The following MCRIP2 variants were observed in gnomAD, a reference collection of about 807,000 sequenced individuals.
MCRIP2 encodes MAPK regulated corepressor interacting protein 2.
MCRIP2 carries 21 observed loss-of-function variants against 23.2 expected under a neutral mutation model. That is an observed-to-expected ratio of 0.90 (90% confidence interval 0.64 to 1.30). The LOEUF (loss-of-function observed/expected upper bound fraction) is 1.30. Among genes scored for constraint, MCRIP2 ranks in the 50% most tolerant of loss-of-function variants. The pLI, the probability that MCRIP2 is intolerant of heterozygous loss-of-function variation, is 0.00. For missense variants in MCRIP2, 234 were observed against 223.2 expected (o/e 1.05, Z -0.31); for synonymous variants, 121 against 100.2 (o/e 1.21, Z -1.24).
In MCRIP2 at chr16:648,058, CA is replaced by C. The variant is rs1056476445; in HGVS notation, c.413-61del. ...CGGGTGAGCGGCTTGTGGTTAGCTC[CA>C]GGGGAGACTTGCCGGCTGGCCTGGG... On this transcript the variant is annotated intron_variant, in intron 4 of 4. Coordinates refer to ENST00000307650, the MANE Select transcript of MCRIP2 (RefSeq NM_138418.4). 6 of 1,504,816 alleles carry C rather than the reference CA, an allele frequency of 4.0e-6. No homozygotes were observed. The African/African-American group carries it at 8.2e-5, about 21-fold the overall frequency. The allele number at this position is 1,504,816 out of a possible 1,614,324, so 93.2% of individuals were successfully genotyped here. A position where few individuals can be genotyped will look rare whatever the true frequency, so the allele number is the denominator to read the frequency against.
Position 648,459 on chromosome 16 carries a change from A to C in MCRIP2, c.*269A>C. 7.8e-6 allele frequency: 4 copies of C among 513,954 alleles called. No homozygotes were observed. The highest frequency in any genetic ancestry group is 3.5e-5 in the Admixed American group (1 of 28,564). The allele number at this position is 513,954 out of a possible 1,614,324, so 31.8% of individuals were successfully genotyped here. On this transcript the variant is annotated 3_prime_UTR_variant, in exon 5 of 5. Coordinates refer to ENST00000307650, the MANE Select transcript of MCRIP2 (RefSeq NM_138418.4). ...GGCAGGGAGGAGCTCCAGGCTAATA[A>C]AGTGGAGAAACTGTCTTTTTGGAGT...
Position 647,516 on chromosome 16 carries a change from C to A in MCRIP2, c.282C>A (p.His94Gln), listed in dbSNP as rs757815109. 5 of 1,613,242 alleles carry A rather than the reference C, an allele frequency of 3.1e-6. No individual in the cohort carries two copies. The highest frequency in any genetic ancestry group is 1.1e-5 in the South Asian group (1 of 91,090). ...EGTQETYTVAHEENVRFVSEA... is the reference protein window; with the variant it reads ...EGTQETYTVAQEENVRFVSEA... ...CCCAGGAGACCTACACAGTGGCCCACGAGGAGAATGTCCGCTTTGTGTCCG... is the reference window on the plus strand; with the variant it reads ...CCCAGGAGACCTACACAGTGGCCCAAGAGGAGAATGTCCGCTTTGTGTCCG... Residue 94 changes from histidine (H) to glutamine (Q), a missense_variant, in exon 3 of 5, where the codon CAC (histidine) becomes CAA (glutamine). By Grantham distance (24) the His-to-Gln change is conservative. Transcript: ENST00000307650.
chr16:642,485 G>C (rs1177977983), intron 2 of MCRIP2: 1 of 255,766 alleles, frequency 3.9e-6, no homozygotes, highest in Non-Finnish European at 6.9e-6. Context: ...GGAGAAAGCC[G>C]GCCAGTTCCT....
intron 3 of MCRIP2, 108 bp downstream of exon 3, chr16:647,652 T>A: frequency 6.5e-7 from 1 of 1,542,440 alleles, no homozygotes; most frequent in Non-Finnish European, 8.8e-7. Flanking sequence ...GGCTGTGCTT[T>A]TCCTTGGCAC....
chr16:642,196 G>A lies in MCRIP2; in HGVS notation c.129G>A (p.Gln43=). Residue 43 remains glutamine, a synonymous_variant, in exon 2 of 5, where the codon CAG becomes CAA. Transcript: ENST00000307650. ...KCRQPAPPTS[Q]PPRAQPFAQP... ...GGCAGCCCGCGCCGCCGACCTCGCA[G>A]CCCCCGCGGGCGCAGCCCTTTGCGC... The A allele has an allele frequency of 3.0e-6, 4 of 1,320,222 alleles. No individual in the cohort carries two copies. The South Asian group carries it at 7.5e-5, about 25-fold the overall frequency. The allele number at this position is 1,320,222 out of a possible 1,614,324, so 81.8% of individuals were successfully genotyped here.
In MCRIP2 at chr16:647,406, C is replaced by T. The variant is rs1471802618; in HGVS notation, c.183-11C>T. On this transcript the variant is annotated splice_polypyrimidine_tract_variant and intron_variant, in intron 2 of 4. Transcript: ENST00000307650. ...GGGCACCAACCATGTCCGTCTCCTC[C>T]CTTCCTGCAGTCCAGGGCCAAGGCT... The T allele has an allele frequency of 3.7e-6, 6 of 1,612,814 alleles. No homozygotes were observed. The Admixed American group carries it at 6.7e-5, about 18-fold the overall frequency.
At chr16:644,447 A>G (rs528743266) in intron 2 of MCRIP2, among the ~76,000 whole-genome samples, 1 of 151,690 alleles carries the variant, frequency 6.6e-6, no homozygotes, top group South Asian at 2.1e-4. Flanking sequence ...TACTTCATTT[A>G]ATTTTTTTCT....
chr16:646,107 C>T lies in MCRIP2; in HGVS notation c.183-1310C>T, dbSNP rs973105301. ...AGCAGCAGCCTTACGTAACCAGAGC[C>T]CCTGGGGCGGTGCCTGCCTCCTGGG... On this transcript the variant is annotated intron_variant, in intron 2 of 4. Transcript: ENST00000307650. This position sits in a 1 kb window ranked among gnomAD's most constrained non-coding sequence, Gnocchi z 6.5. The T allele has an allele frequency of 1.3e-5, 2 of 152,204 alleles. No individual in the cohort carries two copies. The highest frequency in any genetic ancestry group is 2.9e-5 in the Non-Finnish European group (2 of 68,054). The allele number at this position is 152,204 out of a possible 1,614,324, so 9.4% of individuals were successfully genotyped here.
Position 648,118 on chromosome 16 carries a change from A to T in MCRIP2, c.413-2A>T. On this transcript the variant is annotated splice_acceptor_variant, in intron 4 of 4. Coordinates refer to ENST00000307650, the MANE Select transcript of MCRIP2 (RefSeq NM_138418.4). LOFTEE classifies it high-confidence loss of function. Reference sequence around the variant, plus strand: ...TCACTGCCCAGCCTTCTCTGCCCACAGACTTTGTGCCCATTGACCTAGACG... The same window carrying T: ...TCACTGCCCAGCCTTCTCTGCCCACTGACTTTGTGCCCATTGACCTAGACG... 1 of 1,600,706 alleles carries T rather than the reference A, an allele frequency of 6.2e-7. No homozygotes were observed.
Position 647,901 on chromosome 16 carries a change from T to TGTCCCCCCAGGAGA in MCRIP2, c.412+19_412+32dup, listed in dbSNP as rs1309027811. 9.2e-7 allele frequency: 1 copy of TGTCCCCCCAGGAGA among 1,083,508 alleles called. No individual in the cohort carries two copies. Among genetic ancestry groups the TGTCCCCCCAGGAGA allele is most frequent in the East Asian group, 5.7e-5 (1 of 17,632 alleles). 67.1% of individuals were successfully genotyped at this position (1,083,508 alleles called of 1,614,324 possible). Reference sequence around the variant, plus strand: ...GGCTGCAGAGTGAGCCCCCCAACCCTGTCCCCCCAGGAGAGACCCCCCAGC... The same window carrying TGTCCCCCCAGGAGA: ...GGCTGCAGAGTGAGCCCCCCAACCCTGTCCCCCCAGGAGAGTCCCCCCAGGAGAGACCCCCCAGC... On this transcript the variant is annotated intron_variant, in intron 4 of 4. Coordinates refer to ENST00000307650, the MANE Select transcript of MCRIP2 (RefSeq NM_138418.4).
At position 647,842 on chromosome 16, in the gene MCRIP2, C is replaced by T; in HGVS notation, c.370C>T (p.Pro124Ser). 6.3e-7 allele frequency: 1 copy of T among 1,577,168 alleles called. No individual in the cohort carries two copies. Residue 124 changes from proline to serine, a missense_variant, in exon 4 of 5, where the codon CCT (proline) becomes TCT (serine). Transcript: ENST00000307650. ...CCCAGCCGGTGAGGGCGGGCCAAGG[C>T]CTGTGCAGTACGTGGAGAGGACCCC... ...GGPAGEGGPR[P>S]VQYVERTPNP...
rs541715975 is a variant in MCRIP2, at chr16:647,833, G to A, written c.361G>A (p.Gly121Arg). The A allele has an allele frequency of 8.3e-5, 131 of 1,578,422 alleles. No homozygotes were observed. The highest frequency in any genetic ancestry group is 3.4e-4 in the Middle Eastern group (2 of 5,962). ...QLDGGPAGEG[G>R]PRPVQYVERT... ...GGATGGTGGCCCAGCCGGTGAGGGCGGGCCAAGGCCTGTGCAGTACGTGGA... is the reference window on the plus strand; with the variant it reads ...GGATGGTGGCCCAGCCGGTGAGGGCAGGCCAAGGCCTGTGCAGTACGTGGA... Residue 121 changes from glycine to arginine, a missense_variant, in exon 4 of 5, where the codon GGG becomes AGG. Physicochemically the swap from Gly to Arg is moderately radical, Grantham distance 125. Transcript: ENST00000307650.
At chr16:642,904 T>G (rs973799104) in intron 2 of MCRIP2, 3 of 152,538 alleles carry the variant, frequency 2.0e-5, no homozygotes, top group African/African-American at 7.2e-5. Flanking sequence ...TTCCCTTCAT[T>G]TATCCTGTGC....
chr16:648,322 T>A lies in MCRIP2; in HGVS notation c.*132T>A. 1 of 937,802 alleles carries A rather than the reference T, an allele frequency of 1.1e-6. No individual in the cohort carries two copies. Among genetic ancestry groups the A allele is most frequent in the Non-Finnish European group, 1.6e-6 (1 of 611,376 alleles). The allele number at this position is 937,802 out of a possible 1,614,324, so 58.1% of individuals were successfully genotyped here. ...TGCCAGCATTTGGACTTTTGCACCTTTTTTTCCCTTGGCCCGGCTGTCCCA... is the reference window on the plus strand; with the variant it reads ...TGCCAGCATTTGGACTTTTGCACCTATTTTTCCCTTGGCCCGGCTGTCCCA... On this transcript the variant is annotated 3_prime_UTR_variant, in exon 5 of 5. Coordinates refer to ENST00000307650, the MANE Select transcript of MCRIP2 (RefSeq NM_138418.4).
chr16:647,567 G>GC (rs753607170), intron 3 of MCRIP2, 23 bp downstream of exon 3: 14 of 1,609,866 alleles, frequency 8.7e-6, no homozygotes, highest in Non-Finnish European at 1.2e-5. Context: ...GCCAGAGGGT[G>GC]CGGCATAGGC....
chr16:644,555 C>T (rs1221022956), intron 2 of MCRIP2, among the ~76,000 whole-genome samples: 4 of 152,086 alleles, frequency 2.6e-5, no homozygotes, highest in Non-Finnish European at 4.4e-5. Context: ...GTGATCCTCC[C>T]ACCTCTCGAC....
In MCRIP2 at chr16:647,443, G is replaced by A. The variant is rs150960504; in HGVS notation, c.209G>A (p.Arg70His). ...SSPGPRLVFN[R>H]VNGRRAPSTS... ...CCAGGGCCAAGGCTTGTGTTCAATC[G>A]TGTGAATGGCCGGCGGGCCCCCTCC... The change falls in exon 3 of 5, where the codon CGT (arginine) becomes CAT (histidine). Residue 70 changes from arginine to histidine, a missense_variant. Arg to His is a conservative substitution (Grantham distance 29). Transcript: ENST00000307650. The A allele has an allele frequency of 1.5e-4, 245 of 1,613,374 alleles. No homozygotes were observed. Among genetic ancestry groups the A allele is most frequent in the Non-Finnish European group, 1.3e-4 (158 of 1,179,978 alleles).
At chr16:647,589 A>G in intron 3 of MCRIP2, 45 bp downstream of exon 3, 1 of 1,604,610 alleles carries the variant, frequency 6.2e-7, no homozygotes, top group Non-Finnish European at 8.5e-7. Context: ...GCTGGGTCGC[A>G]AAACCATGGA....
rs1169318544 is a variant in MCRIP2 at position 648,293 on chromosome 16, G to A, written c.*103G>A. On this transcript the variant is annotated 3_prime_UTR_variant, in exon 5 of 5. Coordinates refer to ENST00000307650, the MANE Select transcript of MCRIP2 (RefSeq NM_138418.4). Reference sequence around the variant, plus strand: ...GCCTGGCTGGGTGCCGGCCACACCTGAAGTGCCAGCATTTGGACTTTTGCA... The same window carrying A: ...GCCTGGCTGGGTGCCGGCCACACCTAAAGTGCCAGCATTTGGACTTTTGCA... The A allele has an allele frequency of 2.6e-6, 3 of 1,163,592 alleles. No individual in the cohort carries two copies. 72.1% of individuals were successfully genotyped at this position (1,163,592 alleles called of 1,614,324 possible).
Sources: allele counts gnomAD v4.1 joint callset (sites outside exome capture counted in the v4.1 genomes callset), GRCh38; gene constraint gnomAD v4.1.1; non-coding constraint Gnocchi (gnomAD v3.1); transcripts MANE v1.5; gene names NCBI Gene and HGNC (gene_info 2026-07-23, HGNC 2026-07-21).